Variants in PHAX observed in about 807,000 individuals in gnomAD.
The protein encoded by PHAX is phosphorylated adaptor for RNA export, also known as phosphorylated adapter RNA export protein.
Under a neutral mutation model 41.6 loss-of-function variants are expected in PHAX, and 31 were observed. The ratio of observed to expected loss-of-function variants is 0.75; its 90% CI spans 0.56 to 1.01. PHAX has a LOEUF of 1.01. Among genes scored for constraint, PHAX ranks in the 50% least tolerant of loss-of-function variants. The pLI is 0.00. For synonymous variants in PHAX, 175 were observed against 164.9 expected, an observed-to-expected ratio of 1.06 and a Z score of -0.47; for missense variants, 453 against 472.9, an observed-to-expected ratio of 0.96 and a Z score of 0.39.
In PHAX at chr5:126,626,808, G is replaced by A. The variant is rs1752362632; in HGVS notation, c.*1964G>A. 1 of 151,798 alleles carries A rather than the reference G, an allele frequency of 6.6e-6. No individual in the cohort carries two copies. Among genetic ancestry groups the A allele is most frequent in the East Asian group, 1.9e-4 (1 of 5,188 alleles). The allele number at this position is 151,798 out of a possible 1,614,324, so 9.4% of individuals were successfully genotyped here. A position where few individuals can be genotyped will look rare whatever the true frequency, so the allele number is the denominator to read the frequency against. On this transcript the variant is annotated 3_prime_UTR_variant, in exon 5 of 5. Transcript: ENST00000297540. The stretch of plus-strand genomic sequence containing the variant: ...TGCCTGTAATCTCAGCTATTTGGGA[G>A]GCCGAGGCAGGAGAATCACTTGAAC...
chr5:126,623,254 T>C (rs1036639206), intron 4 of PHAX, among the ~76,000 whole-genome samples: 4 of 152,130 alleles, frequency 2.6e-5, no homozygotes, highest in Non-Finnish European at 5.9e-5. Flanking sequence ...TACACTGCAC[T>C]CCAGCTTGGG....
At position 126,603,607 on chromosome 5, in the gene PHAX, A is replaced by G. The variant is rs1751937885; in HGVS notation, c.134A>G (p.Gln45Arg). 1 of 1,613,908 alleles carries G rather than the reference A, an allele frequency of 6.2e-7. No individual in the cohort carries two copies. Among genetic ancestry groups the G allele is most frequent in the Non-Finnish European group, 8.5e-7 (1 of 1,179,844 alleles). The change falls in exon 2 of 5, where the codon CAG becomes CGG. Residue 45 changes from glutamine to arginine, a missense_variant. Gln to Arg is a conservative substitution (Grantham distance 43). Coordinates refer to ENST00000297540, the MANE Select transcript of PHAX (RefSeq NM_032177.4). Reference protein sequence around the residue: ...LGGDSAMRAFQNTATACAPVS... With the variant: ...LGGDSAMRAFRNTATACAPVS... ...GGCGACAGTGCTATGAGGGCCTTCC[A>G]GAACACGGCAACTGCATGTGCACCA...
chr5:126,619,888 A>G (rs1303043634), intron 4 of PHAX, among the ~76,000 whole-genome samples: 1 of 152,220 alleles, frequency 6.6e-6, no homozygotes, highest in Non-Finnish European at 1.5e-5. Context: ...CTTGCATAGG[A>G]AAGAGGTGGT....
chr5:126,606,359 C>CTAA (rs1751987459), intron 2 of PHAX, among the ~76,000 whole-genome samples: 1 of 151,950 alleles, frequency 6.6e-6, no homozygotes, highest in Admixed American at 6.6e-5. Context: ...CAACGCCCAG[C>CTAA]TAATTTTTAT....
intron 3 of PHAX, among the ~76,000 whole-genome samples, chr5:126,616,375 G>A (rs1321792734): frequency 4.6e-5 from 7 of 152,112 alleles, no homozygotes; most frequent in Admixed American, 2.0e-4. Flanking sequence ...GATTACAGGC[G>A]TGAGCAACTG....
intron 3 of PHAX, among the ~76,000 whole-genome samples, chr5:126,615,921 T>C (rs895168141): frequency 1.1e-4 from 16 of 152,118 alleles, no homozygotes; most frequent in African/African-American, 3.4e-4. Flanking sequence ...TGTGTATATA[T>C]ATCTGATTTA....
intron 3 of PHAX, among the ~76,000 whole-genome samples, chr5:126,608,869 A>G (rs1752032110): frequency 6.6e-6 from 1 of 151,612 alleles, no homozygotes; most frequent in African/African-American, 2.4e-5. Context: ...CTGAGAGACC[A>G]GAGGTTTCAG....
chr5:126,624,561 T>A lies in PHAX; in HGVS notation c.916-14T>A, dbSNP rs1752317730. ...TGGTAGTTCTTGTTTACTAACTTTG[T>A]TCCTTTATTACAGGACATTTTCTAC... On this transcript the variant is annotated splice_polypyrimidine_tract_variant and intron_variant, in intron 4 of 4. Coordinates refer to ENST00000297540, the MANE Select transcript of PHAX (RefSeq NM_032177.4). 7.7e-6 allele frequency: 12 copies of A among 1,563,678 alleles called. No homozygotes were observed. In the East Asian group the frequency reaches 2.7e-4, roughly 35 times the overall value.
chr5:126,603,692 A>G lies in PHAX; in HGVS notation c.219A>G (p.Ser73=). ...CAAGTGAAGAAAGTTTTTCTGATTC[A>G]GATGATGATAGCTGTCTTTGGAAAC... ...VDSSEESFSD[S]DDDSCLWKRK... is the part of the protein sequence containing the mutation. The change falls in exon 2 of 5, where the codon TCA becomes TCG. Residue 73 remains serine (S), a synonymous_variant. Transcript: ENST00000297540. 2 of 1,614,236 alleles carry G rather than the reference A, an allele frequency of 1.2e-6. No homozygotes were observed. The highest frequency in any genetic ancestry group is 1.7e-6 in the Non-Finnish European group (2 of 1,180,048).
rs894017564 is a variant in PHAX, at chr5:126,600,959, G to A, written c.-4G>A. 28 of 1,602,718 alleles carry A rather than the reference G, an allele frequency of 1.7e-5. 1 individual carries two copies. Among genetic ancestry groups the A allele is most frequent in the Admixed American group, 5.1e-5 (3 of 59,388 alleles). ...CGCTGTGCAGCGCAGCGCACCGCGG[G>A]AAGATGGCGTTGGAGGTCGGCGATA... On this transcript the variant is annotated 5_prime_UTR_variant, in exon 1 of 5. Transcript: ENST00000297540.
At chr5:126,604,211 T>G in intron 2 of PHAX, 28 bp downstream of exon 2, 1 of 1,505,194 alleles carries the variant, frequency 6.6e-7, no homozygotes, top group South Asian at 1.4e-5. Flanking sequence ...AAATAAGTAC[T>G]TGACCAGATG....
chr5:126,613,666 G>T (rs1057378384), intron 3 of PHAX, among the ~76,000 whole-genome samples: 2 of 152,114 alleles, frequency 1.3e-5, no homozygotes, highest in African/African-American at 4.8e-5. Context: ...GGTGAAGAGC[G>T]AGACTGTGTC....
intron 3 of PHAX, among the ~76,000 whole-genome samples, chr5:126,609,303 G>A (rs1259746308): frequency 6.6e-6 from 1 of 151,720 alleles, no homozygotes; most frequent in East Asian, 1.9e-4. Flanking sequence ...GTTTCACCAT[G>A]TTGCCCAGGC....
chr5:126,619,440 G>A (rs1752236447), intron 4 of PHAX, among the ~76,000 whole-genome samples: 1 of 152,018 alleles, frequency 6.6e-6, no homozygotes, highest in African/African-American at 2.4e-5. Context: ...ACCAGGCATG[G>A]TGGCGGGCGC....
chr5:126,627,031 T>C lies in PHAX; in HGVS notation c.*2187T>C, dbSNP rs1752367609. 2 of 152,200 alleles carry C rather than the reference T, an allele frequency of 1.3e-5. No individual in the cohort carries two copies. The highest frequency in any genetic ancestry group is 1.3e-4 in the Admixed American group (2 of 15,276). The allele number at this position is 152,200 out of a possible 1,614,324, so 9.4% of individuals were successfully genotyped here. ...TTAACTATAGTTTACAAAAATATAT[T>C]AAGCAAAAATATGCTTGATATATTA... On this transcript the variant is annotated 3_prime_UTR_variant, in exon 5 of 5. Coordinates refer to ENST00000297540, the MANE Select transcript of PHAX (RefSeq NM_032177.4).
chr5:126,618,374 C>A (rs1752220284), intron 4 of PHAX, among the ~76,000 whole-genome samples: 1 of 151,706 alleles, frequency 6.6e-6, no homozygotes, highest in Non-Finnish European at 1.5e-5. Flanking sequence ...TTGGTGCCAT[C>A]CCCCACCAAA....
intron 3 of PHAX, among the ~76,000 whole-genome samples, chr5:126,609,991 C>T (rs555206962): frequency 1.3e-5 from 2 of 152,310 alleles, no homozygotes; most frequent in East Asian, 1.9e-4. Flanking sequence ...CCTGCCTCGG[C>T]CTCCCAAAGT....
At chr5:126,622,478 A>G (rs1581423584) in intron 4 of PHAX, among the ~76,000 whole-genome samples, 3 of 100,164 alleles carry the variant, frequency 3.0e-5, no homozygotes, top group Non-Finnish European at 3.7e-5. Context: ...TTTTTAGTAG[A>G]GATGGAGTTT....
chr5:126,622,938 C>G (rs1752294271), intron 4 of PHAX, among the ~76,000 whole-genome samples: 1 of 152,004 alleles, frequency 6.6e-6, no homozygotes, highest in East Asian at 1.9e-4. Flanking sequence ...CCAGCCTGGG[C>G]AACATGGAGA....
Sources: allele counts gnomAD v4.1 joint callset (sites outside exome capture counted in the v4.1 genomes callset), GRCh38; gene constraint gnomAD v4.1.1; transcripts MANE v1.5; gene names NCBI Gene and HGNC (gene_info 2026-07-23, HGNC 2026-07-21).